The following GIGYF2 variants were observed in gnomAD, a reference collection of about 807,000 sequenced individuals.
GIGYF2 encodes the protein GRB10-interacting GYF protein 2.
Under a neutral mutation model 208.1 loss-of-function variants are expected in GIGYF2, and 25 were observed. That is an observed-to-expected ratio of 0.12 (90% CI 0.09 to 0.17). The LOEUF (loss-of-function observed/expected upper bound fraction) is 0.17, where lower values mean the gene tolerates loss of function less well. Among genes scored for constraint, GIGYF2 ranks in the 10% least tolerant of loss-of-function variants. The pLI is 1.00. For missense variants in GIGYF2, 1,302 were observed against 1,579.4 expected (o/e 0.82, Z 2.98); for synonymous variants, 534 against 543.8 (o/e 0.98, Z 0.25).
chr2:232,774,147 G>A (rs541452706), intron 8 of GIGYF2, among the ~76,000 whole-genome samples: 11 of 151,894 alleles, frequency 7.2e-5, no homozygotes, highest in Middle Eastern at 3.4e-3. Flanking sequence ...AGAAAATGAG[G>A]TATAATGAGG....
intron 4 of GIGYF2, 92 bp downstream of exon 4, chr2:232,747,836 T>C: frequency 1.6e-6 from 2 of 1,231,994 alleles, no homozygotes; most frequent in Non-Finnish European, 2.4e-6. Flanking sequence ...TTTATTTTAC[T>C]AATGTATTGA....
At chr2:232,783,811 G>C (rs976252644) in intron 8 of GIGYF2, among the ~76,000 whole-genome samples, 1 of 152,016 alleles carries the variant, frequency 6.6e-6, no homozygotes, top group Non-Finnish European at 1.5e-5. Flanking sequence ...TCAGCCTCCC[G>C]AGTAGCTGGG....
chr2:232,771,116 C>T (rs1313340677), intron 8 of GIGYF2: 1 of 1,613,998 alleles, frequency 6.2e-7, no homozygotes, highest in Admixed American at 1.7e-5. Context: ...TCCAGATCAC[C>T]ATTCATCTCA....
chr2:232,725,387 C>T (rs879595114), intron 2 of GIGYF2, among the ~76,000 whole-genome samples: 2 of 152,196 alleles, frequency 1.3e-5, no homozygotes, highest in Admixed American at 6.5e-5. Context: ...CTGCACCTCC[C>T]CCTGTCCCCC....
chr2:232,761,558 T>A (rs949140752), intron 8 of GIGYF2, 122 bp downstream of exon 8: 11 of 667,756 alleles, frequency 1.6e-5, no homozygotes, highest in Non-Finnish European at 3.1e-5. Context: ...TTATTTGAAG[T>A]CTCTACTGCA....
rs1486027586 is a variant in GIGYF2, at chr2:232,859,273, T to C, written c.*2413T>C. The C allele has an allele frequency of 6.6e-6, 1 of 152,238 alleles. No homozygotes were observed. Among genetic ancestry groups the C allele is most frequent in the East Asian group, 1.9e-4 (1 of 5,190 alleles). 9.4% of individuals were successfully genotyped at this position (152,238 alleles called of 1,614,324 possible). Reference sequence around the variant, plus strand: ...CCTGAGTTTTGAAGTATTTGTTTTGTACCCTCTCTGCTTCCGGTTTTTTGT... The same window carrying C: ...CCTGAGTTTTGAAGTATTTGTTTTGCACCCTCTCTGCTTCCGGTTTTTTGT... On this transcript the variant is annotated 3_prime_UTR_variant, in exon 29 of 29. Transcript: ENST00000373563.
At chr2:232,735,718 G>A (rs1697704881) in intron 3 of GIGYF2, 11 of 987,032 alleles carry the variant, frequency 1.1e-5, no homozygotes, top group Non-Finnish European at 1.3e-5. Flanking sequence ...GATTCAGTTA[G>A]CATTGGACAT....
At chr2:232,761,157 A>C (rs1308860005) in intron 7 of GIGYF2, among the ~76,000 whole-genome samples, 1 of 152,192 alleles carries the variant, frequency 6.6e-6, no homozygotes, top group Non-Finnish European at 1.5e-5. Flanking sequence ...CTATGTATCT[A>C]ATTTAAAAAA....
At chr2:232,777,964 A>T (rs1235578681) in intron 8 of GIGYF2, among the ~76,000 whole-genome samples, 7 of 151,962 alleles carry the variant, frequency 4.6e-5, no homozygotes, top group Non-Finnish European at 4.4e-5. Flanking sequence ...CATTTTTTTT[A>T]GACATAGAGT....
chr2:232,782,628 C>A, intron 8 of GIGYF2: 1 of 152,164 alleles, frequency 6.6e-6, no homozygotes, highest in East Asian at 1.9e-4. Flanking sequence ...ATGTAAAAGA[C>A]CAAAATATTC....
At chr2:232,723,248 T>G (rs1370833498) in intron 2 of GIGYF2, among the ~76,000 whole-genome samples, 2 of 152,190 alleles carry the variant, frequency 1.3e-5, no homozygotes, top group Non-Finnish European at 2.9e-5. Context: ...GTTTGTTCTG[T>G]GAAACCCTAA....
intron 3 of GIGYF2, among the ~76,000 whole-genome samples, chr2:232,743,216 G>A (rs536250855): frequency 6.6e-6 from 1 of 152,254 alleles, no homozygotes; most frequent in African/African-American, 2.4e-5. Context: ...CAGGCACACT[G>A]CGTTTTGAAG....
rs751010433 is a variant in GIGYF2 at position 232,735,212 on chromosome 2, G to A, written c.15G>A (p.Thr5=). The part of the protein sequence containing the change: MAAE[T]QTLNFGPEWL... ...TACGGAAAAGAATGGCAGCGGAAAC[G>A]CAGACACTGAACTTTGGGCCTGAAT... Residue 5 remains threonine (T), a synonymous_variant, in exon 3 of 29, where the codon ACG becomes ACA. Coordinates refer to ENST00000373563, the MANE Select transcript of GIGYF2 (RefSeq NM_001103146.3). 9 of 1,608,260 alleles carry A rather than the reference G, an allele frequency of 5.6e-6. No individual in the cohort carries two copies. In the South Asian group the frequency reaches 6.6e-5, roughly 12 times the overall value.
rs1247665347 is a variant in GIGYF2 at position 232,857,762 on chromosome 2, T to C, written c.*902T>C. 1 of 152,668 alleles carries C rather than the reference T, an allele frequency of 6.6e-6. No individual in the cohort carries two copies. Among genetic ancestry groups the C allele is most frequent in the Non-Finnish European group, 1.5e-5 (1 of 68,050 alleles). 9.5% of individuals were successfully genotyped at this position (152,668 alleles called of 1,614,324 possible). A position where few individuals can be genotyped will look rare whatever the true frequency, so the allele number is the denominator to read the frequency against. On this transcript the variant is annotated 3_prime_UTR_variant, in exon 29 of 29. Coordinates refer to ENST00000373563, the MANE Select transcript of GIGYF2 (RefSeq NM_001103146.3). The stretch of plus-strand genomic sequence containing the variant: ...AGAGGCAGCTAGAATCTTTACCATA[T>C]GTATGAATTTGTATAATTTCATTTT...
At chr2:232,710,692 C>CTTTTTTTTTTTTTTTTTT (rs35154227) in intron 2 of GIGYF2, among the ~76,000 whole-genome samples, 1 of 113,978 alleles carries the variant, frequency 8.8e-6, no homozygotes, top group Non-Finnish European at 1.8e-5. Flanking sequence ...TCTTGGTGTT[C>CTTTTTTTTTTTTTTTTTT]TTTTTTTTTT....
intron 28 of GIGYF2, 106 bp downstream of exon 28, chr2:232,850,515 C>CTTTCCCTTCTGTA: frequency 1.8e-6 from 2 of 1,085,166 alleles, no homozygotes; most frequent in Non-Finnish European, 2.8e-6. Flanking sequence ...GGAAATATTT[C>CTTTCCCTTCTGTA]TTTTTATCAA....
Position 232,791,317 on chromosome 2 carries a change from G to A in GIGYF2, c.1153G>A (p.Asp385Asn). The change falls in exon 12 of 29, where the codon GAC (aspartate) becomes AAC (asparagine). Residue 385 changes from aspartate (D) to asparagine (N), a missense_variant. Around this residue, in one of 8 missense-constraint regions of GIGYF2, gnomAD observed 235 missense variants for 218.8 expected, o/e 1.07. Coordinates refer to ENST00000373563, the MANE Select transcript of GIGYF2 (RefSeq NM_001103146.3). ...SSSARPGTPS[D>N]HQSQEASQFE... is the part of the protein sequence containing the mutation. ...ATCTGCTAGACCAGGTACTCCTTCA[G>A]ACCATCAGTCTCAGGAAGCATCACA... 6.2e-7 allele frequency: 1 copy of A among 1,614,008 alleles called. No individual in the cohort carries two copies. The highest frequency in any genetic ancestry group is 8.5e-7 in the Non-Finnish European group (1 of 1,179,912).
At chr2:232,741,527 C>T (rs1031777993) in intron 3 of GIGYF2, among the ~76,000 whole-genome samples, 11 of 151,376 alleles carry the variant, frequency 7.3e-5, no homozygotes, top group African/African-American at 2.4e-4. Context: ...ACTGCAACTT[C>T]TGCTTCCTGA....
intron 3 of GIGYF2, among the ~76,000 whole-genome samples, chr2:232,739,124 C>G (rs190147180): frequency 7.0e-6 from 1 of 142,598 alleles, no homozygotes; most frequent in Non-Finnish European, 1.5e-5. Context: ...TTTGGGAGGC[C>G]GAGGTGGGCA....
Sources: gnomAD v4.1 joint callset for allele counts (sites outside exome capture counted in the v4.1 genomes callset) on GRCh38, gnomAD v4.1.1 for gene constraint, gnomAD v4.1.1 regional missense constraint, MANE v1.5 for transcripts, NCBI Gene and HGNC (gene_info 2026-07-23, HGNC 2026-07-21) for gene names.